HS6ST3: variants seen among roughly 807,000 people sequenced by gnomAD.
HS6ST3 encodes heparan sulfate 6-O-sulfotransferase 3.
HS6ST3 carries 12 observed loss-of-function variants against 36.7 expected under a neutral mutation model. The observed-to-expected ratio is 0.33, with a 90% confidence interval of 0.21 to 0.53. The LOEUF (loss-of-function observed/expected upper bound fraction) is 0.53. Ranked by LOEUF, HS6ST3 falls within the 20% of genes least tolerant of loss-of-function variation. HS6ST3 has a pLI of 0.95. For missense variants in HS6ST3, 584 were observed against 640.9 expected, an observed-to-expected ratio of 0.91 and a Z score of 0.96; for synonymous variants, 240 against 257.5, an observed-to-expected ratio of 0.93 and a Z score of 0.65.
At chr13:96,675,218 T>C (rs1169113301) in intron 1 of HS6ST3, among the ~76,000 whole-genome samples, 1 of 152,120 alleles carries the variant, frequency 6.6e-6, no homozygotes, top group Non-Finnish European at 1.5e-5. Flanking sequence ...AATTTAATTT[T>C]AAAATTTAGA....
intron 1 of HS6ST3, among the ~76,000 whole-genome samples, chr13:96,158,104 G>A (rs1594698170): frequency 6.6e-6 from 1 of 152,310 alleles, no homozygotes. Context: ...TGACACTTGA[G>A]TGGCCATCTG....
chr13:96,821,486 A>G (rs1348069685), intron 1 of HS6ST3, among the ~76,000 whole-genome samples: 1 of 152,272 alleles, frequency 6.6e-6, no homozygotes, highest in East Asian at 1.9e-4. Context: ...ATCTAAAAGT[A>G]GTACGTGACT....
At chr13:96,674,913 T>A (rs2056694076) in intron 1 of HS6ST3, among the ~76,000 whole-genome samples, 1 of 152,162 alleles carries the variant, frequency 6.6e-6, no homozygotes, top group African/African-American at 2.4e-5. Context: ...GCCCTTTTCA[T>A]CCCTTTACAG....
chr13:96,475,564 C>T (rs561817205), intron 1 of HS6ST3, among the ~76,000 whole-genome samples: 35 of 143,964 alleles, frequency 2.4e-4, no homozygotes, highest in South Asian at 6.4e-4. Context: ...GCTATTTGGC[C>T]GGAATACAGC....
chr13:96,192,567 C>CT (rs751501106), intron 1 of HS6ST3, among the ~76,000 whole-genome samples: 4 of 149,482 alleles, frequency 2.7e-5, no homozygotes, highest in Non-Finnish European at 3.0e-5. Flanking sequence ...GTTTTTCACT[C>CT]TTTTTTTTAT....
chr13:96,697,688 AC>A (rs1875166499), intron 1 of HS6ST3, among the ~76,000 whole-genome samples: 1 of 152,146 alleles, frequency 6.6e-6, no homozygotes, highest in African/African-American at 2.4e-5. Flanking sequence ...TATATCAAAA[AC>A]TGGTTTCAAG....
At chr13:96,470,758 G>C (rs559594620) in intron 1 of HS6ST3, among the ~76,000 whole-genome samples, 1 of 152,176 alleles carries the variant, frequency 6.6e-6, no homozygotes, top group African/African-American at 2.4e-5. Context: ...TTTTTGCTCA[G>C]TTGCGAGGCC....
intron 1 of HS6ST3, among the ~76,000 whole-genome samples, chr13:96,122,072 G>A (rs2139306747): frequency 6.6e-6 from 1 of 150,892 alleles, no homozygotes; most frequent in South Asian, 2.1e-4. Context: ...AGATTTACAT[G>A]CTAGTACTTC....
At chr13:96,135,865 A>G (rs536667973) in intron 1 of HS6ST3, among the ~76,000 whole-genome samples, 44 of 151,664 alleles carry the variant, frequency 2.9e-4, no homozygotes, top group Non-Finnish European at 5.6e-4. Flanking sequence ...CATGCAGTTT[A>G]TATAGCATTT....
intron 1 of HS6ST3, among the ~76,000 whole-genome samples, chr13:96,417,362 G>A (rs1319239119): frequency 6.6e-6 from 1 of 152,096 alleles, no homozygotes; most frequent in Non-Finnish European, 1.5e-5. Flanking sequence ...TTCATAGCCA[G>A]CCAAGAAAGA....
intron 1 of HS6ST3, among the ~76,000 whole-genome samples, chr13:96,302,518 T>A (rs188698785): frequency 6.6e-5 from 10 of 152,118 alleles, no homozygotes. Flanking sequence ...TTCACAAAAT[T>A]GTATGTGTAA....
intron 1 of HS6ST3, among the ~76,000 whole-genome samples, chr13:96,143,242 G>T (rs1291080704): frequency 6.6e-6 from 1 of 151,614 alleles, no homozygotes; most frequent in Non-Finnish European, 1.5e-5. Flanking sequence ...AAAAATCCAC[G>T]GAGCTCCCCA....
At chr13:96,097,235 G>A (rs2053795837) in intron 1 of HS6ST3, among the ~76,000 whole-genome samples, 1 of 152,104 alleles carries the variant, frequency 6.6e-6, no homozygotes, top group Non-Finnish European at 1.5e-5. Context: ...CATAATAGAA[G>A]TGAGGCAAAT....
At chr13:96,386,654 C>T (rs2055369911) in intron 1 of HS6ST3, among the ~76,000 whole-genome samples, 1 of 151,984 alleles carries the variant, frequency 6.6e-6, no homozygotes, top group Admixed American at 6.6e-5. Flanking sequence ...ATCACAAGGT[C>T]AAGAGATCAA....
In HS6ST3 at chr13:96,777,470, T is replaced by C. The variant is rs191337150; in HGVS notation, c.708-55020T>C. On this transcript the variant is annotated intron_variant, in intron 1 of 1. Transcript: ENST00000376705. ...AAATCTCCTTAAGCTGATAAGCAACTTCAGCAAAGTCTCAGGATACAAAAT... is the reference window on the plus strand; with the variant it reads ...AAATCTCCTTAAGCTGATAAGCAACCTCAGCAAAGTCTCAGGATACAAAAT... Among the ~76,000 whole-genome samples the C allele has an allele frequency of 7.0e-4, 107 of 152,346 alleles. 2 individuals carry two copies. The highest frequency in any genetic ancestry group is 2.5e-3 in the African/African-American group (102 of 41,584).
intron 1 of HS6ST3, among the ~76,000 whole-genome samples, chr13:96,754,154 C>T (rs948483200): frequency 6.6e-6 from 1 of 152,126 alleles, no homozygotes. Flanking sequence ...TGGAGCATTC[C>T]TTTACTGAAC....
chr13:96,792,293 A>G (rs1877809788), intron 1 of HS6ST3, among the ~76,000 whole-genome samples: 1 of 152,008 alleles, frequency 6.6e-6, no homozygotes, highest in South Asian at 2.1e-4. Context: ...TTCATTCTGA[A>G]TTGGAAATGA....
chr13:96,499,434 C>G (rs1002403348), intron 1 of HS6ST3, among the ~76,000 whole-genome samples: 1 of 152,092 alleles, frequency 6.6e-6, no homozygotes, highest in Non-Finnish European at 1.5e-5. Context: ...GAATCTCTAC[C>G]CTGGAGGAGC....
At chr13:96,386,325 G>C (rs1213163426) in intron 1 of HS6ST3, among the ~76,000 whole-genome samples, 1 of 152,074 alleles carries the variant, frequency 6.6e-6, no homozygotes, top group Non-Finnish European at 1.5e-5. Flanking sequence ...GCAGAATGGA[G>C]ACTCCATTCT....
Sources: gnomAD v4.1 joint callset for allele counts (sites outside exome capture counted in the v4.1 genomes callset) on GRCh38, gnomAD v4.1.1 for gene constraint, MANE v1.5 for transcripts, NCBI Gene and HGNC (gene_info 2026-07-23, HGNC 2026-07-21) for gene names.